Variants in ZFC3H1 observed in about 807,000 individuals in gnomAD.
ZFC3H1 encodes zinc finger C3H1-type containing.
Under a neutral mutation model 243.7 loss-of-function variants are expected in ZFC3H1, and 71 were observed. The observed-to-expected ratio is 0.29, with a 90% CI of 0.24 to 0.36. The LOEUF (loss-of-function observed/expected upper bound fraction) is 0.36. Among genes scored for constraint, ZFC3H1 ranks in the 10% least tolerant of loss-of-function variants. The pLI, the probability that ZFC3H1 is intolerant of heterozygous loss-of-function variation, is 1.00. For missense variants in ZFC3H1, 1,966 were observed against 2,317.1 expected (o/e 0.85, Z 3.11); for synonymous variants, 838 against 813.0 (o/e 1.03, Z -0.52).
chr12:71,613,713 T>C (rs1879827832), intron 30 of ZFC3H1: 2 of 258,294 alleles, frequency 7.7e-6, no homozygotes, highest in Non-Finnish European at 1.5e-5. Flanking sequence ...TTACTTGCTG[T>C]ATAGCTCGGC....
At chr12:71,623,258 T>C (rs1880077740) in intron 24 of ZFC3H1, 102 bp downstream of exon 24, 2 of 994,992 alleles carry the variant, frequency 2.0e-6, no homozygotes, top group Non-Finnish European at 2.8e-6. Flanking sequence ...GAGATATAAA[T>C]TTGTTCCACT....
At chr12:71,612,711 T>C (rs572750017) in intron 31 of ZFC3H1, among the ~76,000 whole-genome samples, 1 of 152,360 alleles carries the variant, frequency 6.6e-6, no homozygotes, top group Admixed American at 6.5e-5. Context: ...GCAGTGGGAA[T>C]GACTGCAAAC....
rs577138536 is a variant in ZFC3H1, at chr12:71,635,097, G to T, written c.2239-272C>A. ...AAATAGGGAAAAAACGATAAAAGTT[G>T]TACTTAGAGAATACATTTTAATAAA... On this transcript the variant is annotated intron_variant, in intron 10 of 34. Coordinates refer to ENST00000378743, the MANE Select transcript of ZFC3H1 (RefSeq NM_144982.5). Among the ~76,000 whole-genome samples the T allele has an allele frequency of 9.9e-5, 15 of 152,116 alleles. No individual in the cohort carries two copies. The South Asian group carries it at 1.2e-3, about 13-fold the overall frequency.
chr12:71,636,428 A>G, intron 9 of ZFC3H1, 62 bp downstream of exon 9: 2 of 1,512,544 alleles, frequency 1.3e-6, no homozygotes, highest in East Asian at 2.3e-5. Flanking sequence ...CAGGACAGCT[A>G]AACTTCATAG....
At chr12:71,661,034 T>C (rs1475555072) in intron 1 of ZFC3H1, among the ~76,000 whole-genome samples, 1 of 151,958 alleles carries the variant, frequency 6.6e-6, no homozygotes, top group East Asian at 1.9e-4. Context: ...CTGGGCACGG[T>C]GGCTCATGCC....
chr12:71,662,497 T>TCCCCCCCCC (rs150388437), intron 1 of ZFC3H1, among the ~76,000 whole-genome samples: 1 of 103,494 alleles, frequency 9.7e-6, no homozygotes, highest in Non-Finnish European at 1.9e-5. Context: ...TTTTTACCCC[T>TCCCCCCCCC]CCCCCCCCCA....
chr12:71,615,353 C>A (rs747821184), intron 27 of ZFC3H1, 37 bp from the exon 28 acceptor site: 1 of 1,306,158 alleles, frequency 7.7e-7, no homozygotes, highest in Non-Finnish European at 1.1e-6. Flanking sequence ...TTAAATTACA[C>A]CTACCCACAC....
chr12:71,641,133 T>C (rs762129226), intron 6 of ZFC3H1, among the ~76,000 whole-genome samples: 1 of 152,188 alleles, frequency 6.6e-6, no homozygotes, highest in Non-Finnish European at 1.5e-5. Flanking sequence ...TTAAAAAGCA[T>C]AGATCATAAA....
intron 3 of ZFC3H1, among the ~76,000 whole-genome samples, chr12:71,645,276 G>A (rs1024383034): frequency 1.3e-5 from 2 of 152,218 alleles, no homozygotes; most frequent in South Asian, 4.1e-4. Flanking sequence ...TAGAAGATGA[G>A]TCTGCAGAAG....
chr12:71,617,383 CTTAA>C (rs1028939173), intron 27 of ZFC3H1, among the ~76,000 whole-genome samples: 23 of 152,250 alleles, frequency 1.5e-4, no homozygotes, highest in African/African-American at 5.1e-4. Context: ...ACCTTTTTCT[CTTAA>C]TTCTCAGTGA....
intron 1 of ZFC3H1, among the ~76,000 whole-genome samples, chr12:71,661,463 T>C (rs1017201182): frequency 6.6e-6 from 1 of 150,982 alleles, no homozygotes; most frequent in South Asian, 2.1e-4. Flanking sequence ...TTTTAAAAAG[T>C]TAAATATCTA....
chr12:71,611,676 AATAT>A (rs1395687343), intron 32 of ZFC3H1, 106 bp downstream of exon 32: 89 of 112,430 alleles, frequency 7.9e-4, no homozygotes, highest in African/African-American at 3.2e-3. Flanking sequence ...AAAAAAAAAA[AATAT>A]ATATATATAT....
intron 2 of ZFC3H1, among the ~76,000 whole-genome samples, chr12:71,649,372 A>T (rs961346822): frequency 6.6e-6 from 1 of 152,336 alleles, no homozygotes; most frequent in South Asian, 2.1e-4. Flanking sequence ...ATAATAACTC[A>T]TAAGTAGCAA....
At chr12:71,629,120 GAAGAAC>G in intron 19 of ZFC3H1, 83 bp from the exon 20 acceptor site, 1 of 1,178,548 alleles carries the variant, frequency 8.5e-7, no homozygotes, top group Non-Finnish European at 1.2e-6. Flanking sequence ...TAATATTTGA[GAAGAAC>G]TACATTCACT....
At chr12:71,642,672 G>A in intron 5 of ZFC3H1, 113 bp from the exon 6 acceptor site, 1 of 1,229,686 alleles carries the variant, frequency 8.1e-7, no homozygotes, top group Non-Finnish European at 1.1e-6. Flanking sequence ...TGGTGATTCA[G>A]TTAGATGTGC....
chr12:71,633,757 C>A (rs140976291), intron 12 of ZFC3H1, among the ~76,000 whole-genome samples: 17 of 152,232 alleles, frequency 1.1e-4, no homozygotes, highest in Middle Eastern at 3.4e-3. Flanking sequence ...CTAGTTCAAG[C>A]GATTCTCCCG....
intron 2 of ZFC3H1, among the ~76,000 whole-genome samples, chr12:71,651,100 T>C (rs566123578): frequency 6.6e-6 from 1 of 152,274 alleles, no homozygotes; most frequent in South Asian, 2.1e-4. Flanking sequence ...CTAGGCCCCA[T>C]TTGCAGAGCT....
Position 71,611,104 on chromosome 12 carries a change from G to GAAAAAAAAAAAAA in ZFC3H1, c.5730-20_5730-8dup. 3.1e-6 allele frequency: 4 copies of GAAAAAAAAAAAAA among 1,279,692 alleles called. No homozygotes were observed. The highest frequency in any genetic ancestry group is 3.1e-6 in the Non-Finnish European group (3 of 983,328). 79.3% of individuals were successfully genotyped at this position (1,279,692 alleles called of 1,614,324 possible). On this transcript the variant is annotated splice_polypyrimidine_tract_variant and splice_region_variant and intron_variant, in intron 32 of 34. Transcript: ENST00000378743. Reference sequence around the variant, plus strand: ...AATCTCAGCAGCAATGGCTCTAAGAGAAAAAAAAAAAAAAAGAAATATAGA... The same window carrying GAAAAAAAAAAAAA: ...AATCTCAGCAGCAATGGCTCTAAGAGAAAAAAAAAAAAAAAAAAAAAAAAAAAAGAAATATAGA...
At chr12:71,647,392 A>T (rs1375758099) in intron 3 of ZFC3H1, among the ~76,000 whole-genome samples, 1 of 152,164 alleles carries the variant, frequency 6.6e-6, no homozygotes, top group African/African-American at 2.4e-5. Context: ...TGGAGGTAGA[A>T]TTTGACACCA....
Sources: gnomAD v4.1 joint callset for allele counts (sites outside exome capture counted in the v4.1 genomes callset) on GRCh38, gnomAD v4.1.1 for gene constraint, MANE v1.5 for transcripts, NCBI Gene and HGNC (gene_info 2026-07-23, HGNC 2026-07-21) for gene names.